USP18: variants seen among roughly 807,000 people sequenced by gnomAD.
The protein encoded by USP18 is ubl carboxyl-terminal hydrolase 18.
Under a neutral mutation model 48.7 loss-of-function variants are expected in USP18, and 11 were observed. The ratio of observed to expected loss-of-function variants is 0.23; its 90% confidence interval spans 0.14 to 0.37. The LOEUF is 0.37. Among genes scored for constraint, USP18 ranks in the 10% least tolerant of loss-of-function variants. USP18 has a pLI of 1.00. For synonymous variants in USP18, 114 were observed against 163.2 expected, an observed-to-expected ratio of 0.70 and a Z score of 2.30; for missense variants, 285 against 436.4, an observed-to-expected ratio of 0.65 and a Z score of 3.09.
In USP18 at chr22:18,157,596, A is replaced by G; in HGVS notation, c.-68A>G. ...CCTGGCTCACATAAGCGCTTCCTGG[A>G]AGTGAAGTCGTGCTGTCCTGAACGC... On this transcript the variant is annotated 5_prime_UTR_variant, in exon 2 of 11. Coordinates refer to ENST00000215794, the MANE Select transcript of USP18 (RefSeq NM_017414.4). 6.3e-7 allele frequency: 1 copy of G among 1,591,318 alleles called. No individual in the cohort carries two copies. The highest frequency in any genetic ancestry group is 8.6e-7 in the Non-Finnish European group (1 of 1,167,052).
chr22:18,150,419 ATGACT>A (rs1306620637), intron 1 of USP18, among the ~76,000 whole-genome samples, 197 bp downstream of exon 1: 1 of 152,044 alleles, frequency 6.6e-6, no homozygotes, highest in African/African-American at 2.4e-5. Flanking sequence ...GACTTTTGAC[ATGACT>A]TTGTGTTTAA....
At chr22:18,155,006 C>G (rs1208117911) in intron 1 of USP18, among the ~76,000 whole-genome samples, 1 of 152,184 alleles carries the variant, frequency 6.6e-6, no homozygotes, top group Non-Finnish European at 1.5e-5. Flanking sequence ...TGCTCTAAGC[C>G]CAGCATCACT....
intron 9 of USP18, 48 bp from the exon 10 acceptor site, chr22:18,173,745 G>A (rs1929703946): frequency 4.4e-6 from 7 of 1,604,814 alleles, no homozygotes; most frequent in East Asian, 2.2e-5. Flanking sequence ...TCCTCTGTGG[G>A]TGCTTGTGTC....
chr22:18,169,325 A>G (rs1227335907), intron 6 of USP18, among the ~76,000 whole-genome samples: 2 of 152,124 alleles, frequency 1.3e-5, no homozygotes, highest in East Asian at 3.9e-4. Context: ...CCATAATCCC[A>G]GCACTTTGGG....
intron 1 of USP18, among the ~76,000 whole-genome samples, chr22:18,154,672 C>A (rs188275641): frequency 5.3e-5 from 8 of 152,172 alleles, no homozygotes; most frequent in Admixed American, 1.3e-4. Flanking sequence ...AACTCCTGGG[C>A]TCAAGTGATC....
chr22:18,153,817 T>C (rs1454366447), intron 1 of USP18, among the ~76,000 whole-genome samples: 1 of 152,118 alleles, frequency 6.6e-6, no homozygotes, highest in Non-Finnish European at 1.5e-5. Context: ...GTGGTATTTA[T>C]CTTTCTGTGC....
chr22:18,155,969 G>T (rs532017632), intron 1 of USP18, among the ~76,000 whole-genome samples: 2 of 152,252 alleles, frequency 1.3e-5, no homozygotes, highest in African/African-American at 4.8e-5. Context: ...GTGGGGACTT[G>T]GAGAATCTTT....
rs752440877 is a variant in USP18 at position 18,157,747 on chromosome 22, AAAG to A, written c.88_90del (p.Lys30del). ...CGCAGTCCCCGGCAGATCTTGAAGA[AAAG>A]AAGGAAGAAGACAGCAACATGAAGA... On this transcript the variant is annotated inframe_deletion, in exon 2 of 11. Transcript: ENST00000215794. The A allele has an allele frequency of 3.7e-6, 6 of 1,614,030 alleles. No homozygotes were observed. The highest frequency in any genetic ancestry group is 1.7e-5 in the Admixed American group (1 of 59,994).
chr22:18,173,066 G>C (rs1244656875), intron 8 of USP18, 84 bp from the exon 9 acceptor site: 3 of 1,596,246 alleles, frequency 1.9e-6, no homozygotes, highest in South Asian at 2.2e-5. Flanking sequence ...TCCCAGAGTC[G>C]GGCCTAGTGT....
In USP18 at chr22:18,168,293, G is replaced by A. The variant is rs565405444; in HGVS notation, c.627+257G>A. 2.9e-3 allele frequency among the ~76,000 whole-genome samples: 438 copies of A among 152,058 alleles called. 3 individuals carry two copies. Among genetic ancestry groups the A allele is most frequent in the African/African-American group, 9.9e-3 (409 of 41,454 alleles). On this transcript the variant is annotated intron_variant, in intron 6 of 10. Transcript: ENST00000215794. ...CCAGCTCAAATCTCTCTTCCTCTTC[G>A]TATGAAGCCACCAGTCCCACTCCCA...
intron 1 of USP18, among the ~76,000 whole-genome samples, chr22:18,150,590 C>T (rs1395989062): frequency 1.3e-5 from 2 of 152,204 alleles, no homozygotes; most frequent in Non-Finnish European, 2.9e-5. Flanking sequence ...TCATTTCGAA[C>T]TTGCTTTGTC....
chr22:18,173,175 CTG>C lies in USP18; in HGVS notation c.920_921del (p.Val307AspfsTer29), dbSNP rs1929684539. 5.0e-6 allele frequency: 8 copies of C among 1,606,216 alleles called. No individual in the cohort carries two copies. Among genetic ancestry groups the C allele is most frequent in the Non-Finnish European group, 6.8e-6 (8 of 1,176,250 alleles). On this transcript the variant is annotated frameshift_variant, in exon 9 of 11. Transcript: ENST00000215794. LOFTEE classifies it high-confidence loss of function. ...TCTGGAGGGCAGTATGAGCTTTTTG[CTG>C]TGATTGCGCACGTGGGAATGGCAGA... is the stretch of plus-strand genomic sequence containing the variant.
intron 1 of USP18, among the ~76,000 whole-genome samples, chr22:18,154,592 G>A (rs975958462): frequency 7.5e-5 from 11 of 146,472 alleles, no homozygotes; most frequent in African/African-American, 1.8e-4. Flanking sequence ...GGCCACAGGC[G>A]TGCACCACTA....
At chr22:18,162,059 C>G (rs1929348912) in intron 4 of USP18, 124 bp downstream of exon 4, 1 of 1,253,658 alleles carries the variant, frequency 8.0e-7, no homozygotes. Flanking sequence ...CTGGACCCCT[C>G]AGATTATAGA....
At chr22:18,175,215 A>G (rs1237343808) in intron 10 of USP18, among the ~76,000 whole-genome samples, 2 of 152,164 alleles carry the variant, frequency 1.3e-5, no homozygotes, top group African/African-American at 4.8e-5. Flanking sequence ...ATATTTTTAT[A>G]ATCATTAACT....
intron 6 of USP18, among the ~76,000 whole-genome samples, chr22:18,169,143 G>A (rs1929560444): frequency 6.6e-6 from 1 of 152,130 alleles, no homozygotes; most frequent in African/African-American, 2.4e-5. Flanking sequence ...CTGTTCAATT[G>A]TAATCCCCAG....
chr22:18,170,259 T>A (rs1338889904), intron 7 of USP18, among the ~76,000 whole-genome samples: 1 of 151,902 alleles, frequency 6.6e-6, no homozygotes, highest in East Asian at 1.9e-4. Context: ...CCTTCACTAG[T>A]CTGGGGTTGC....
intron 1 of USP18, among the ~76,000 whole-genome samples, chr22:18,155,733 C>A (rs575159765): frequency 6.6e-6 from 1 of 152,224 alleles, no homozygotes; most frequent in Non-Finnish European, 1.5e-5. Context: ...GGGCAGGGCT[C>A]GGGACCTGTA....
At position 18,160,164 on chromosome 22, in the gene USP18, C is replaced by T. The variant is rs767152410; in HGVS notation, c.158-8C>T. 6.2e-7 allele frequency: 1 copy of T among 1,613,746 alleles called. No individual in the cohort carries two copies. The highest frequency in any genetic ancestry group is 8.5e-7 in the Non-Finnish European group (1 of 1,179,778). On this transcript the variant is annotated splice_region_variant and splice_polypyrimidine_tract_variant and intron_variant, in intron 2 of 10. Transcript: ENST00000215794. ...TGCCCTCAGCATTTTTTTCTCTTCC[C>T]CTTATAGGCCTGGTTGGTTTACACA... is the stretch of plus-strand genomic sequence containing the variant.
Sources: gnomAD v4.1 joint callset for allele counts (sites outside exome capture counted in the v4.1 genomes callset) on GRCh38, gnomAD v4.1.1 for gene constraint, MANE v1.5 for transcripts, NCBI Gene and HGNC (gene_info 2026-07-23, HGNC 2026-07-21) for gene names.